Variants in SOX5 observed in about 807,000 individuals in gnomAD.
The protein encoded by SOX5 is SRY-box transcription factor 5.
SOX5 carries 9 observed loss-of-function variants against 92.0 expected under a neutral mutation model. The ratio of observed to expected loss-of-function variants is 0.10; its 90% CI spans 0.06 to 0.17. The LOEUF (loss-of-function observed/expected upper bound fraction) is 0.17, where lower values mean the gene tolerates loss of function less well. Ranked by LOEUF, SOX5 falls within the 10% of genes least tolerant of loss-of-function variation. The probability of loss-of-function intolerance (pLI) is 1.00; values close to 1 mark genes in which losing one functional copy is unlikely to be tolerated. For missense variants in SOX5, 642 were observed against 944.5 expected (o/e 0.68, Z 4.20); for synonymous variants, 344 against 336.3 (o/e 1.02, Z -0.25).
At chr12:23,738,743 T>C (rs1593871398) in intron 5 of SOX5, among the ~76,000 whole-genome samples, 2 of 152,148 alleles carry the variant, frequency 1.3e-5, no homozygotes, top group Non-Finnish European at 2.9e-5. Context: ...CTACAAAAAA[T>C]ATCCCCAGCC....
intron 3 of SOX5, among the ~76,000 whole-genome samples, chr12:23,775,607 T>C (rs949653045): frequency 1.3e-5 from 2 of 152,240 alleles, no homozygotes; most frequent in Non-Finnish European, 2.9e-5. Flanking sequence ...TCCAAACTTC[T>C]TACCAAGGTC....
chr12:23,819,935 G>A (rs1286310883), intron 3 of SOX5, among the ~76,000 whole-genome samples: 1 of 151,984 alleles, frequency 6.6e-6, no homozygotes, highest in Non-Finnish European at 1.5e-5. Flanking sequence ...TAATCCTTTG[G>A]GTATATACCC....
chr12:24,495,821 T>G (rs1296849601), intron 1 of SOX5, among the ~76,000 whole-genome samples: 1 of 152,300 alleles, frequency 6.6e-6, no homozygotes, highest in South Asian at 2.1e-4. Context: ...GAGGGTGTGG[T>G]ACGCAAGGAA....
chr12:24,538,471 A>T (rs558719248), intron 1 of SOX5, among the ~76,000 whole-genome samples: 2 of 152,232 alleles, frequency 1.3e-5, no homozygotes, highest in Non-Finnish European at 2.9e-5. Context: ...TGAAGATTTC[A>T]GTTCAAGTCT....
intron 3 of SOX5, among the ~76,000 whole-genome samples, chr12:23,766,667 C>T (rs2094736894): frequency 1.3e-5 from 2 of 151,992 alleles, no homozygotes. Context: ...ATTTTACTAA[C>T]ACCACACTAT....
At chr12:24,334,682 A>G (rs1051747525) in intron 2 of SOX5, among the ~76,000 whole-genome samples, 1 of 152,188 alleles carries the variant, frequency 6.6e-6, no homozygotes, top group East Asian at 1.9e-4. Context: ...AGAAGTAAAC[A>G]AAGTTTTATG....
At chr12:24,130,728 C>T (rs915051336) in intron 4 of SOX5, among the ~76,000 whole-genome samples, 1 of 152,188 alleles carries the variant, frequency 6.6e-6, no homozygotes, top group Admixed American at 6.5e-5. Flanking sequence ...CCATGGCTGT[C>T]TCTTCTCACC....
chr12:24,361,646 T>C (rs968754910), intron 2 of SOX5, among the ~76,000 whole-genome samples: 2 of 151,686 alleles, frequency 1.3e-5, no homozygotes, highest in East Asian at 3.9e-4. Flanking sequence ...CATGTGTGTG[T>C]GCGCATGCAC....
intron 4 of SOX5, among the ~76,000 whole-genome samples, chr12:24,208,790 G>A (rs989367987): frequency 3.9e-5 from 6 of 152,236 alleles, no homozygotes; most frequent in African/African-American, 1.4e-4. Flanking sequence ...GTGAAAAGCA[G>A]AGGGAAGATA....
intron 1 of SOX5, among the ~76,000 whole-genome samples, chr12:23,929,688 C>G (rs964147304): frequency 1.3e-5 from 2 of 151,890 alleles, no homozygotes; most frequent in African/African-American, 4.8e-5. Flanking sequence ...ATAATCTATA[C>G]TTTTACAATT....
intron 3 of SOX5, among the ~76,000 whole-genome samples, chr12:23,773,367 AG>A (rs1022343297): frequency 3.3e-5 from 5 of 152,002 alleles, no homozygotes; most frequent in Admixed American, 6.6e-5. Context: ...CATTGTTACC[AG>A]GGCTTTACTT....
chr12:24,069,001 A>G (rs559578796), intron 4 of SOX5, among the ~76,000 whole-genome samples: 12 of 151,894 alleles, frequency 7.9e-5, no homozygotes, highest in African/African-American at 2.4e-4. Context: ...AAAAAAAAAA[A>G]AAGTTGAAAA....
intron 2 of SOX5, among the ~76,000 whole-genome samples, chr12:24,309,228 G>C (rs1457699093): frequency 1.3e-5 from 2 of 152,108 alleles, no homozygotes; most frequent in African/African-American, 4.8e-5. Flanking sequence ...TTTCAGCAGA[G>C]CCTGATTATC....
chr12:24,336,850 T>C lies in SOX5; in HGVS notation c.-174+31713A>G, dbSNP rs530440775. ...TCCTCTTTATTAAATAAAAACCTAA[T>C]TGAGCCGGGGATGCAGGTGGGGCCC... On this transcript the variant is annotated intron_variant, in intron 2 of 4. Transcript: ENST00000446891. 6.6e-5 allele frequency among the ~76,000 whole-genome samples: 10 copies of C among 152,310 alleles called. No individual in the cohort carries two copies. The East Asian group carries it at 1.2e-3, about 18-fold the overall frequency.
chr12:23,791,302 G>A (rs1326368854), intron 3 of SOX5, among the ~76,000 whole-genome samples: 1 of 152,030 alleles, frequency 6.6e-6, no homozygotes, highest in Non-Finnish European at 1.5e-5. Flanking sequence ...AGTTGTTTTT[G>A]TTTTTAGAAA....
Position 23,534,217 on chromosome 12 carries a change from T to A in SOX5, c.*2A>T. 6.2e-7 allele frequency: 1 copy of A among 1,612,872 alleles called. No homozygotes were observed. Among genetic ancestry groups the A allele is most frequent in the Non-Finnish European group, 8.5e-7 (1 of 1,179,018 alleles). The stretch of plus-strand genomic sequence containing the variant: ...AAGGTCACAACAATCTTTTGACCCT[T>A]ATCAGTTGGCTTGTCCTGCAATATG... On this transcript the variant is annotated 3_prime_UTR_variant, in exon 15 of 15. Coordinates refer to ENST00000451604, the MANE Select transcript of SOX5 (RefSeq NM_006940.6).
chr12:23,970,956 A>C (rs1183087623), intron 4 of SOX5, among the ~76,000 whole-genome samples: 1 of 146,758 alleles, frequency 6.8e-6, no homozygotes, highest in Non-Finnish European at 1.5e-5. Context: ...CTTGGCTCAC[A>C]ATGGTAATAG....
chr12:23,641,415 T>A (rs1566626513), intron 7 of SOX5, among the ~76,000 whole-genome samples: 1 of 152,156 alleles, frequency 6.6e-6, no homozygotes, highest in Non-Finnish European at 1.5e-5. Context: ...AAGAAAACAT[T>A]TTATGTGTTT....
At chr12:23,587,451 A>G (rs1054162131) in intron 9 of SOX5, among the ~76,000 whole-genome samples, 11 of 152,122 alleles carry the variant, frequency 7.2e-5, no homozygotes, top group African/African-American at 2.4e-4. Context: ...TTAAATGCCA[A>G]TAGGAAAAAT....
Sources: gnomAD v4.1 joint callset for allele counts (sites outside exome capture counted in the v4.1 genomes callset) on GRCh38, gnomAD v4.1.1 for gene constraint, MANE v1.5 for transcripts, NCBI Gene and HGNC (gene_info 2026-07-23, HGNC 2026-07-21) for gene names.